The following ALLC variants were observed in gnomAD, a reference collection of about 807,000 sequenced individuals.
ALLC encodes probable inactive allantoicase.
In ALLC, 40 loss-of-function variants were observed where a neutral mutation model predicts 45.0. The ratio of observed to expected loss-of-function variants is 0.89; its 90% CI spans 0.69 to 1.16. The LOEUF (loss-of-function observed/expected upper bound fraction) is 1.16. Among genes scored for constraint, ALLC ranks in the 50% most tolerant of loss-of-function variants. The pLI is 0.00. For synonymous variants in ALLC, 176 were observed against 178.1 expected, an observed-to-expected ratio of 0.99 and a Z score of 0.09; for missense variants, 488 against 493.1, an observed-to-expected ratio of 0.99 and a Z score of 0.10.
chr2:3,700,215 A>G lies in ALLC; in HGVS notation c.851-1297A>G, dbSNP rs565684727. The stretch of plus-strand genomic sequence containing the variant: ...GGGGTCCTGTTTCAATCTTCTGCAT[A>G]TGGCTAGCCCATTATCCCAGCACCA... On this transcript the variant is annotated intron_variant, in intron 10 of 11. Coordinates refer to ENST00000252505, the MANE Select transcript of ALLC (RefSeq NM_018436.4). Among the ~76,000 whole-genome samples, 351 of 152,274 alleles carry G rather than the reference A, an allele frequency of 2.3e-3. 1 individual carries two copies. Among genetic ancestry groups the G allele is most frequent in the African/African-American group, 7.9e-3 (328 of 41,558 alleles).
At chr2:3,649,115 T>C in the ALLC span, among the ~76,000 whole-genome samples, 1 of 152,146 alleles carries the variant, frequency 6.6e-6, no homozygotes, top group Non-Finnish European at 1.5e-5. Context: ...AATGGCAGGC[T>C]TGGGTGAAAT....
At chr2:3,658,434 C>T (rs1325371399) in intron 1 of ALLC, 140 bp downstream of exon 1, 2 of 152,276 alleles carry the variant, frequency 1.3e-5, no homozygotes, top group East Asian at 3.8e-4. Context: ...TGGTGACAGA[C>T]ACCACTTTGT....
chr2:3,694,526 T>C (rs1228717105), intron 7 of ALLC: 1 of 152,238 alleles, frequency 6.6e-6, no homozygotes, highest in Non-Finnish European at 1.5e-5. Context: ...AGAAGAATCT[T>C]ATTTTTTAAA....
chr2:3,647,572 C>T, the ALLC span, among the ~76,000 whole-genome samples: 1 of 151,752 alleles, frequency 6.6e-6, no homozygotes, highest in African/African-American at 2.4e-5. Context: ...CCCATCTTCT[C>T]CTGATGCCCC....
At chr2:3,701,195 T>C (rs1667820338) in intron 10 of ALLC, among the ~76,000 whole-genome samples, 1 of 152,214 alleles carries the variant, frequency 6.6e-6, no homozygotes, top group Non-Finnish European at 1.5e-5. Context: ...AAATCTGCAA[T>C]TGAGGAAGCT....
upstream of ALLC, among the ~76,000 whole-genome samples, chr2:3,654,119 G>A (rs930944028): frequency 5.9e-5 from 9 of 152,340 alleles, no homozygotes; most frequent in African/African-American, 2.2e-4. Flanking sequence ...ACATGCCTGC[G>A]AGTTATTGCT....
chr2:3,671,207 T>C lies in ALLC; in HGVS notation c.33+17T>C, dbSNP rs776275565. The C allele has an allele frequency of 8.1e-6, 13 of 1,607,978 alleles. No homozygotes were observed. The highest frequency in any genetic ancestry group is 9.3e-6 in the Non-Finnish European group (11 of 1,177,334). On this transcript the variant is annotated intron_variant, in intron 2 of 11. Transcript: ENST00000252505. Reference sequence around the variant, plus strand: ...GGAGGAAAAGTAAGTGGGTCTCTCATGGCCAAACAAGGGTTGAAGGCATCC... The same window carrying C: ...GGAGGAAAAGTAAGTGGGTCTCTCACGGCCAAACAAGGGTTGAAGGCATCC...
the ALLC span, among the ~76,000 whole-genome samples, chr2:3,648,571 G>A: frequency 3.3e-5 from 5 of 152,204 alleles, no homozygotes; most frequent in Non-Finnish European, 5.9e-5. Context: ...CAGAGTGGGT[G>A]GAGACTCTGC....
intron 1 of ALLC, 117 bp downstream of exon 1, chr2:3,658,411 GA>G (rs1383386885): frequency 1.3e-5 from 2 of 152,258 alleles, no homozygotes; most frequent in Non-Finnish European, 2.9e-5. Flanking sequence ...CTTGGAAGGT[GA>G]CAGAGGGTAG....
chr2:3,651,431 G>GCA, the ALLC span, among the ~76,000 whole-genome samples: 2 of 60,360 alleles, frequency 3.3e-5, no homozygotes, highest in African/African-American at 5.0e-5. Context: ...GTGTGTGTGT[G>GCA]TGTGTGTGTG....
the ALLC span, among the ~76,000 whole-genome samples, chr2:3,651,121 G>C: frequency 3.3e-5 from 5 of 151,678 alleles, no homozygotes. Flanking sequence ...CGTGGGCTGA[G>C]ATGGATGAGC....
chr2:3,658,800 G>T (rs1055446043), intron 1 of ALLC, among the ~76,000 whole-genome samples: 2 of 149,772 alleles, frequency 1.3e-5, no homozygotes, highest in African/African-American at 4.9e-5. Flanking sequence ...CCCGGGATGG[G>T]ATTGGGGTGG....
At chr2:3,651,442 T>TGCATGAGG in the ALLC span, among the ~76,000 whole-genome samples, 1 of 25,598 alleles carries the variant, frequency 3.9e-5, no homozygotes, top group South Asian at 1.6e-3. Context: ...TGTGTGTGTG[T>TGCATGAGG]TAGGAAGGGA....
Position 3,679,784 on chromosome 2 carries a change from A to G in ALLC, c.173-85A>G, listed in dbSNP as rs531405858. The G allele has an allele frequency of 2.2e-5, 34 of 1,570,526 alleles. No individual in the cohort carries two copies. In the African/African-American group the frequency reaches 3.6e-4, roughly 17 times the overall value. The stretch of plus-strand genomic sequence containing the variant: ...GACGGAATGGCCCCTGCTGTGGGTC[A>G]GGTGCATGTGGGGTGCACTGCCTCG... On this transcript the variant is annotated intron_variant, in intron 4 of 11. Transcript: ENST00000252505.
chr2:3,655,974 T>C (rs1385125968), upstream of ALLC, among the ~76,000 whole-genome samples: 2 of 151,946 alleles, frequency 1.3e-5, no homozygotes, highest in East Asian at 3.9e-4. Flanking sequence ...GGTAGCCTGC[T>C]GTCAGCAGAG....
chr2:3,690,160 T>A (rs1667437308), intron 7 of ALLC, among the ~76,000 whole-genome samples: 2 of 147,562 alleles, frequency 1.4e-5, no homozygotes, highest in Non-Finnish European at 3.0e-5. Context: ...AGTATACCTT[T>A]TATTTGGAAC....
At chr2:3,654,934 A>T (rs915648108), upstream of ALLC, among the ~76,000 whole-genome samples, 2 of 152,254 alleles carry the variant, frequency 1.3e-5, no homozygotes, top group African/African-American at 4.8e-5. Flanking sequence ...AGTTAGCACG[A>T]ATTAGAGGCT....
At chr2:3,673,561 G>A (rs533966252) in intron 2 of ALLC, among the ~76,000 whole-genome samples, 1 of 152,316 alleles carries the variant, frequency 6.6e-6, no homozygotes, top group South Asian at 2.1e-4. Flanking sequence ...GTTTTGCTCA[G>A]GAAAATCTGA....
chr2:3,697,215 A>C (rs1667697479), intron 9 of ALLC, 133 bp from the exon 10 acceptor site: 1 of 618,712 alleles, frequency 1.6e-6, no homozygotes, highest in Admixed American at 3.0e-5. Context: ...TTTACACATC[A>C]GGCCACAGGA....
Sources: allele counts gnomAD v4.1 joint callset (sites outside exome capture counted in the v4.1 genomes callset), GRCh38; gene constraint gnomAD v4.1.1; transcripts MANE v1.5; gene names NCBI Gene and HGNC (gene_info 2026-07-23, HGNC 2026-07-21).